NAT1: variants seen among roughly 807,000 people sequenced by gnomAD.
NAT1 encodes N-acetyltransferase 1.
For missense variants in NAT1, 400 were observed against 339.2 expected (o/e 1.18, Z -1.41); for synonymous variants, 144 against 122.6 (o/e 1.17, Z -1.16).
At position 18,174,564 on chromosome 8, in the gene NAT1, C is replaced by T. The variant is rs559665114; in HGVS notation, n.92+3825C>T. Among the ~76,000 whole-genome samples, 94 of 152,238 alleles carry T rather than the reference C, an allele frequency of 6.2e-4. 1 individual carries two copies. The highest frequency in any genetic ancestry group is 1.9e-3 in the South Asian group (9 of 4,824). On this transcript the variant is annotated intron_variant and non_coding_transcript_variant, in intron 2 of 4. Coordinates refer to the NAT1 transcript ENST00000517441. ...CAGAAAAGTATTACATTTTCTCCATCATAATGGACCTTCAACTTAACAAAT... is the reference window on the plus strand; with the variant it reads ...CAGAAAAGTATTACATTTTCTCCATTATAATGGACCTTCAACTTAACAAAT...
At chr8:18,190,324 C>G (rs868300690) in intron 2 of NAT1, among the ~76,000 whole-genome samples, 1 of 152,188 alleles carries the variant, frequency 6.6e-6, no homozygotes, top group African/African-American at 2.4e-5. Context: ...ATGTCTCATG[C>G]AGAGCATAAT....
chr8:18,216,339 T>C (rs1804664897), intron 1 of NAT1, among the ~76,000 whole-genome samples: 1 of 152,184 alleles, frequency 6.6e-6, no homozygotes, highest in Non-Finnish European at 1.5e-5. Flanking sequence ...TCTCTTTCCA[T>C]AGCATCCCAA....
intron 1 of NAT1, among the ~76,000 whole-genome samples, chr8:18,215,656 G>C (rs1804582648): frequency 6.6e-6 from 1 of 151,636 alleles, no homozygotes; most frequent in Non-Finnish European, 1.5e-5. Flanking sequence ...TCTTGAATTG[G>C]TTGTGGTTTT....
intron 1 of NAT1, among the ~76,000 whole-genome samples, chr8:18,218,471 G>A (rs1804925547): frequency 6.6e-6 from 1 of 152,134 alleles, no homozygotes; most frequent in South Asian, 2.1e-4. Flanking sequence ...GACTTAAAAC[G>A]TGAGATCATT....
intron 1 of NAT1, among the ~76,000 whole-genome samples, chr8:18,213,253 A>AT (rs949007037): frequency 2.7e-5 from 4 of 150,578 alleles, no homozygotes; most frequent in East Asian, 3.9e-4. Context: ...TTGTATATAA[A>AT]TTTTTTTTTC....
chr8:18,205,247 C>G (rs1803658957), upstream of NAT1, among the ~76,000 whole-genome samples: 1 of 152,244 alleles, frequency 6.6e-6, no homozygotes, highest in South Asian at 2.1e-4. Context: ...GTGCCTGCCT[C>G]CCTTCATCAT....
chr8:18,176,322 C>G (rs1465101168), intron 2 of NAT1, among the ~76,000 whole-genome samples: 1 of 152,026 alleles, frequency 6.6e-6, no homozygotes, highest in Non-Finnish European at 1.5e-5. Flanking sequence ...TTGATTTTCA[C>G]AGTATTGAAC....
intron 2 of NAT1, among the ~76,000 whole-genome samples, chr8:18,198,872 AG>A (rs1486843390): frequency 6.6e-6 from 1 of 152,242 alleles, no homozygotes; most frequent in Non-Finnish European, 1.5e-5. Flanking sequence ...CAACTTGAGT[AG>A]GACTTGCAAT....
intron 2 of NAT1, among the ~76,000 whole-genome samples, chr8:18,181,862 T>A (rs1050100323): frequency 2.0e-5 from 3 of 152,182 alleles, no homozygotes; most frequent in Non-Finnish European, 2.9e-5. Context: ...TTTCCTCCAG[T>A]TGGGGCAGTG....
At chr8:18,179,780 C>CAAATATTT (rs1263651764) in intron 2 of NAT1, among the ~76,000 whole-genome samples, 1 of 152,270 alleles carries the variant, frequency 6.6e-6, no homozygotes, top group African/African-American at 2.4e-5. Flanking sequence ...CAAATCAAAG[C>CAAATATTT]AAATATTTAT....
At chr8:18,185,593 TA>T (rs1435701116) in intron 2 of NAT1, among the ~76,000 whole-genome samples, 1 of 152,180 alleles carries the variant, frequency 6.6e-6, no homozygotes, top group East Asian at 1.9e-4. Context: ...TACTAGTCTT[TA>T]AAAACAAAAC....
At chr8:18,189,189 GT>G (rs1241799386) in intron 2 of NAT1, among the ~76,000 whole-genome samples, 1 of 151,974 alleles carries the variant, frequency 6.6e-6, no homozygotes, top group African/African-American at 2.4e-5. Context: ...AGCATTAGGG[GT>G]TCCTTGAGGA....
At chr8:18,184,857 C>T (rs1219554162) in intron 2 of NAT1, among the ~76,000 whole-genome samples, 3 of 152,268 alleles carry the variant, frequency 2.0e-5, no homozygotes, top group East Asian at 1.9e-4. Flanking sequence ...CCAGTTTTTG[C>T]GTGCACTCAT....
chr8:18,204,573 T>C (rs1212725603), intron 2 of NAT1, among the ~76,000 whole-genome samples: 1 of 151,862 alleles, frequency 6.6e-6, no homozygotes, highest in African/African-American at 2.4e-5. Context: ...CAGAACAAAA[T>C]ATATTTCAAT....
chr8:18,198,820 T>C (rs1048478298), intron 2 of NAT1, among the ~76,000 whole-genome samples: 4 of 152,176 alleles, frequency 2.6e-5, no homozygotes, highest in African/African-American at 9.7e-5. Context: ...GGCTGCCTTT[T>C]TGGTGATGGA....
chr8:18,189,998 C>T (rs1215986086), intron 2 of NAT1, among the ~76,000 whole-genome samples: 3 of 152,164 alleles, frequency 2.0e-5, no homozygotes, highest in Non-Finnish European at 2.9e-5. Flanking sequence ...CCATGTTCGC[C>T]AGGCTGGTCT....
chr8:18,199,566 T>C (rs561900359), intron 2 of NAT1, among the ~76,000 whole-genome samples: 12 of 152,276 alleles, frequency 7.9e-5, no homozygotes, highest in Admixed American at 2.0e-4. Context: ...CCAAGAATCA[T>C]TGGAAGGTTT....
chr8:18,185,836 A>G (rs1232421081), intron 2 of NAT1, among the ~76,000 whole-genome samples: 1 of 152,086 alleles, frequency 6.6e-6, no homozygotes, highest in Non-Finnish European at 1.5e-5. Flanking sequence ...TGTCCCCAAA[A>G]TTTGATATGT....
chr8:18,216,753 T>G, intron 1 of NAT1: 1 of 568,448 alleles, frequency 1.8e-6, no homozygotes, highest in Non-Finnish European at 3.0e-6. Flanking sequence ...CAAAATTTCG[T>G]AAGAGGCTAA....
Sources: allele counts gnomAD v4.1 joint callset (sites outside exome capture counted in the v4.1 genomes callset), GRCh38; gene constraint gnomAD v4.1.1; transcripts MANE v1.5; gene names NCBI Gene and HGNC (gene_info 2026-07-23, HGNC 2026-07-21).